Variants in SORBS2 observed in about 807,000 individuals in gnomAD.
SORBS2 encodes sorbin and SH3 domain-containing protein 2.
In SORBS2, 46 loss-of-function variants were observed where a neutral mutation model predicts 97.7. The ratio of observed to expected loss-of-function variants is 0.47; its 90% CI spans 0.37 to 0.60. SORBS2 has a LOEUF of 0.60. Among genes scored for constraint, SORBS2 ranks in the 20% least tolerant of loss-of-function variants. The probability of loss-of-function intolerance (pLI) is 0.00; values close to 1 mark genes in which losing one functional copy is unlikely to be tolerated. For missense variants in SORBS2, 1,316 were observed against 1,282.3 expected (o/e 1.03, Z -0.40); for synonymous variants, 476 against 473.4 (o/e 1.01, Z -0.07).
At chr4:185,596,665 G>A (rs1246418183) in intron 12 of SORBS2, among the ~76,000 whole-genome samples, 2 of 150,178 alleles carry the variant, frequency 1.3e-5, no homozygotes, top group Non-Finnish European at 2.9e-5. Flanking sequence ...CTCCCGAGTA[G>A]CTGGGACTAC....
At chr4:185,820,111 C>T (rs2099195830) in intron 1 of SORBS2, among the ~76,000 whole-genome samples, 1 of 152,126 alleles carries the variant, frequency 6.6e-6, no homozygotes, top group South Asian at 2.1e-4. Flanking sequence ...CGGGACCTTC[C>T]AATACCGTGG....
At chr4:185,677,433 G>A in intron 4 of SORBS2, 1 of 1,552,176 alleles carries the variant, frequency 6.4e-7, no homozygotes, top group Non-Finnish European at 8.7e-7. Flanking sequence ...TGACATGGTT[G>A]TGTTAGATTC....
chr4:185,624,401 C>T, exon 7 of SORBS2: 3 of 1,614,166 alleles, frequency 1.9e-6, no homozygotes, highest in South Asian at 1.1e-5. Context: ...CAAGTGCTGT[C>T]TGTAAGTGCT....
intron 2 of SORBS2, among the ~76,000 whole-genome samples, chr4:185,734,857 C>T (rs1307045046): frequency 2.6e-5 from 4 of 152,242 alleles, no homozygotes; most frequent in Non-Finnish European, 5.9e-5. Flanking sequence ...AGGTCCCCCT[C>T]ATCCTTGATC....
chr4:185,780,978 C>A (rs968999733), intron 1 of SORBS2, among the ~76,000 whole-genome samples: 1 of 152,180 alleles, frequency 6.6e-6, no homozygotes, highest in African/African-American at 2.4e-5. Context: ...CACTCTGTCA[C>A]CCAGGCTGGA....
intron 2 of SORBS2, among the ~76,000 whole-genome samples, chr4:185,751,026 A>G (rs1348676445): frequency 6.6e-6 from 1 of 151,910 alleles, no homozygotes; most frequent in Non-Finnish European, 1.5e-5. Context: ...CAAAAAGTTT[A>G]TTGCCTTGTT....
chr4:185,902,079 G>A (rs1176867302), intron 1 of SORBS2, among the ~76,000 whole-genome samples: 1 of 152,152 alleles, frequency 6.6e-6, no homozygotes, highest in Non-Finnish European at 1.5e-5. Flanking sequence ...TACTTGATTA[G>A]TTTGTTCTCT....
intron 1 of SORBS2, among the ~76,000 whole-genome samples, chr4:185,805,874 T>G (rs1299543419): frequency 6.6e-6 from 1 of 152,220 alleles, no homozygotes; most frequent in Non-Finnish European, 1.5e-5. Flanking sequence ...CAACAACAGC[T>G]GAGGTTATTG....
intron 1 of SORBS2, among the ~76,000 whole-genome samples, chr4:185,836,061 A>G (rs1024331855): frequency 4.6e-5 from 7 of 152,070 alleles, no homozygotes; most frequent in African/African-American, 1.7e-4. Flanking sequence ...TTGCTGGGGA[A>G]CCCAAATACG....
chr4:185,681,478 T>A (rs1357260777), intron 2 of SORBS2, among the ~76,000 whole-genome samples: 1 of 151,742 alleles, frequency 6.6e-6, no homozygotes, highest in Non-Finnish European at 1.5e-5. Context: ...ATCTGCAGCA[T>A]TATTGGTGCA....
intron 2 of SORBS2, among the ~76,000 whole-genome samples, chr4:185,687,335 A>C (rs1364412270): frequency 6.6e-6 from 1 of 152,220 alleles, no homozygotes; most frequent in Non-Finnish European, 1.5e-5. Context: ...TCTGGCCTGT[A>C]AATCATTTTA....
intron 2 of SORBS2, among the ~76,000 whole-genome samples, chr4:185,765,230 A>G (rs2098927481): frequency 6.6e-6 from 1 of 152,178 alleles, no homozygotes; most frequent in Non-Finnish European, 1.5e-5. Flanking sequence ...GTAGTTATCT[A>G]TGGTCACCTA....
chr4:185,928,798 G>A (rs1369301242), intron 1 of SORBS2, among the ~76,000 whole-genome samples: 2 of 152,086 alleles, frequency 1.3e-5, no homozygotes, highest in Admixed American at 1.3e-4. Context: ...CGCCCACCTC[G>A]GCCTCCTAAA....
At chr4:185,941,470 C>A (rs2099271971) in intron 1 of SORBS2, among the ~76,000 whole-genome samples, 1 of 152,182 alleles carries the variant, frequency 6.6e-6, no homozygotes, top group Admixed American at 6.5e-5. Context: ...TCCTCTCTGT[C>A]TAGACATATA....
At chr4:185,634,732 C>T (rs1036099518) in intron 4 of SORBS2, among the ~76,000 whole-genome samples, 2 of 152,106 alleles carry the variant, frequency 1.3e-5, no homozygotes, top group Non-Finnish European at 1.5e-5. Context: ...AGATTGCAAA[C>T]GCATTTCATT....
At chr4:185,659,574 G>C (rs575689966), upstream of SORBS2, among the ~76,000 whole-genome samples, 3 of 140,422 alleles carry the variant, frequency 2.1e-5, no homozygotes, top group Non-Finnish European at 4.9e-5. Flanking sequence ...CCGCCATCAC[G>C]CCCAGCTAAT....
chr4:185,784,536 A>G (rs1374431323), intron 1 of SORBS2, among the ~76,000 whole-genome samples: 1 of 152,092 alleles, frequency 6.6e-6, no homozygotes, highest in Non-Finnish European at 1.5e-5. Context: ...CGATGGAGAG[A>G]GGATAGAGAG....
chr4:185,600,673 A>G (rs1017096953), intron 12 of SORBS2, among the ~76,000 whole-genome samples: 2 of 152,130 alleles, frequency 1.3e-5, no homozygotes, highest in South Asian at 2.1e-4. Context: ...ATGCTTAGCA[A>G]TTGGGTTCAA....
intron 2 of SORBS2, among the ~76,000 whole-genome samples, chr4:185,721,438 G>A (rs1349556265): frequency 2.6e-5 from 4 of 152,114 alleles, no homozygotes; most frequent in African/African-American, 4.8e-5. Flanking sequence ...AGATCAGCAC[G>A]GTGACTGGGT....
Sources: gnomAD v4.1 joint callset for allele counts (sites outside exome capture counted in the v4.1 genomes callset) on GRCh38, gnomAD v4.1.1 for gene constraint, MANE v1.5 for transcripts, NCBI Gene and HGNC (gene_info 2026-07-23, HGNC 2026-07-21) for gene names.